Variants in EYS observed in about 807,000 individuals in gnomAD.
EYS encodes the protein EGF-like photoreceptor maintenance factor.
EYS carries 250 observed loss-of-function variants against 282.1 expected under a neutral mutation model. That is an observed-to-expected ratio of 0.89 (90% CI 0.80 to 0.98). The LOEUF (loss-of-function observed/expected upper bound fraction) is 0.98, where lower values mean the gene tolerates loss of function less well. Ranked by LOEUF, EYS falls within the 50% of genes least tolerant of loss-of-function variation. The probability of loss-of-function intolerance (pLI) is 0.00; values close to 1 mark genes in which losing one functional copy is unlikely to be tolerated. For missense variants in EYS, 4,016 were observed against 3,709.0 expected, an observed-to-expected ratio of 1.08 and a Z score of -2.15; for synonymous variants, 1,355 against 1,282.9, an observed-to-expected ratio of 1.06 and a Z score of -1.20.
At chr6:65,158,481 T>A (rs891209388) in intron 12 of EYS, among the ~76,000 whole-genome samples, 3 of 150,974 alleles carry the variant, frequency 2.0e-5, no homozygotes, top group Non-Finnish European at 1.5e-5. Context: ...CATAGTCATA[T>A]TCTTAGATGC....
At chr6:63,891,653 C>T (rs1292522602) in intron 35 of EYS, among the ~76,000 whole-genome samples, 1 of 152,180 alleles carries the variant, frequency 6.6e-6, no homozygotes, top group African/African-American at 2.4e-5. Flanking sequence ...AAGCTGGTAG[C>T]ATTCCCTTTG....
intron 36 of EYS, among the ~76,000 whole-genome samples, chr6:63,858,984 C>G (rs1253177098): frequency 5.3e-5 from 8 of 149,868 alleles, no homozygotes; most frequent in African/African-American, 1.7e-4. Flanking sequence ...TTTGTAATAC[C>G]TTGGCTTGTC....
intron 29 of EYS, among the ~76,000 whole-genome samples, chr6:64,328,819 G>A (rs192949965): frequency 3.9e-5 from 6 of 152,262 alleles, no homozygotes; most frequent in East Asian, 1.9e-4. Flanking sequence ...GGTCATGGTC[G>A]TGGTAGAGGA....
rs1000738809 is a variant in EYS at position 64,138,701 on chromosome 6, T to A, written c.6425-56699A>T. ...AGAAAATAAAAAGCATCCTCATAAT[T>A]GTGCTGTTTTTTCAACAGCACTGAG... On this transcript the variant is annotated intron_variant, in intron 31 of 42. Transcript: ENST00000503581. 2.0e-5 allele frequency among the ~76,000 whole-genome samples: 3 copies of A among 152,172 alleles called. No homozygotes were observed. The East Asian group carries it at 5.8e-4, about 29-fold the overall frequency.
chr6:64,681,046 G>T lies in EYS; in HGVS notation c.3444-54801C>A, dbSNP rs115633441. 3.9e-5 allele frequency among the ~76,000 whole-genome samples: 6 copies of T among 152,278 alleles called. No homozygotes were observed. In the South Asian group the frequency reaches 1.2e-3, roughly 32 times the overall value. On this transcript the variant is annotated intron_variant, in intron 22 of 42. Coordinates refer to ENST00000503581, the MANE Select transcript of EYS (RefSeq NM_001142800.2). The stretch of plus-strand genomic sequence containing the variant: ...TTACTGGAGAGAAATGGGGAAAAAA[G>T]CAGCTAAGAAGAGCCTGGGACAGGA...
chr6:64,918,103 A>T (rs572918014), intron 15 of EYS, among the ~76,000 whole-genome samples: 1 of 152,244 alleles, frequency 6.6e-6, no homozygotes, highest in South Asian at 2.1e-4. Flanking sequence ...TTCATACCGA[A>T]TTATAACATG....
At chr6:64,568,135 T>G (rs1303554308) in intron 26 of EYS, among the ~76,000 whole-genome samples, 4 of 152,186 alleles carry the variant, frequency 2.6e-5, no homozygotes, top group Admixed American at 6.5e-5. Flanking sequence ...GGATTAGCCT[T>G]AAGTCTTCAA....
chr6:64,299,980 CA>C (rs1769176890), intron 30 of EYS, among the ~76,000 whole-genome samples: 1 of 151,990 alleles, frequency 6.6e-6, no homozygotes, highest in Admixed American at 6.6e-5. Flanking sequence ...GCCAAAATAA[CA>C]AAGAGGAAAT....
At chr6:64,989,929 T>C (rs891411016) in intron 14 of EYS, among the ~76,000 whole-genome samples, 1 of 150,942 alleles carries the variant, frequency 6.6e-6, no homozygotes, top group African/African-American at 2.4e-5. Flanking sequence ...CTATTTATCG[T>C]AGGATGGTTG....
At chr6:65,432,262 A>G (rs991264655) in intron 5 of EYS, among the ~76,000 whole-genome samples, 3 of 152,246 alleles carry the variant, frequency 2.0e-5, no homozygotes, top group Admixed American at 6.5e-5. Flanking sequence ...ATTGTGTCAG[A>G]TGCTTTTCTA....
At chr6:65,218,950 T>A (rs1409783259) in intron 12 of EYS, among the ~76,000 whole-genome samples, 1 of 151,306 alleles carries the variant, frequency 6.6e-6, no homozygotes, top group Non-Finnish European at 1.5e-5. Flanking sequence ...TCAAGATAAC[T>A]TTTTTTTCCA....
intron 22 of EYS, among the ~76,000 whole-genome samples, chr6:64,737,232 C>A (rs1222490478): frequency 6.6e-6 from 1 of 152,174 alleles, no homozygotes; most frequent in African/African-American, 2.4e-5. Flanking sequence ...ATTTCTTTAG[C>A]AAAACAGCCT....
At chr6:65,698,820 C>T (rs1039430474) in intron 1 of EYS, among the ~76,000 whole-genome samples, 15 of 152,102 alleles carry the variant, frequency 9.9e-5, no homozygotes, top group Non-Finnish European at 1.9e-4. Flanking sequence ...GAAGTTTTTT[C>T]TAAAATTCCC....
intron 26 of EYS, among the ~76,000 whole-genome samples, chr6:64,482,674 T>C (rs962019399): frequency 1.3e-5 from 2 of 151,734 alleles, no homozygotes; most frequent in African/African-American, 2.4e-5. Context: ...ATTGTTATCA[T>C]TGTCTTATTA....
intron 12 of EYS, among the ~76,000 whole-genome samples, chr6:65,155,749 T>C (rs139035664): frequency 1.5e-3 from 225 of 151,630 alleles, no homozygotes; most frequent in Non-Finnish European, 2.3e-3. Context: ...CATTGCAGTG[T>C]AGATAAAAAT....
chr6:64,895,378 C>T (rs1194655522), intron 18 of EYS, among the ~76,000 whole-genome samples: 1 of 152,074 alleles, frequency 6.6e-6, no homozygotes, highest in African/African-American at 2.4e-5. Flanking sequence ...TTTTGAAAGA[C>T]CTAAATAAAT....
chr6:64,212,131 T>C (rs1473023154), intron 31 of EYS, among the ~76,000 whole-genome samples: 1 of 151,548 alleles, frequency 6.6e-6, no homozygotes, highest in African/African-American at 2.4e-5. Flanking sequence ...ATAATAATAA[T>C]TAATAATTTA....
chr6:65,633,687 ACC>A (rs1766995395), intron 2 of EYS, among the ~76,000 whole-genome samples: 1 of 152,232 alleles, frequency 6.6e-6, no homozygotes, highest in Admixed American at 6.5e-5. Flanking sequence ...ATTATGAAAT[ACC>A]TACCCTCAAA....
At chr6:64,371,998 T>C (rs537953475) in intron 29 of EYS, among the ~76,000 whole-genome samples, 9 of 152,252 alleles carry the variant, frequency 5.9e-5, no homozygotes, top group Admixed American at 4.6e-4. Context: ...AATTGAAGCA[T>C]TTAGACTGTT....
Sources: allele counts gnomAD v4.1 joint callset (sites outside exome capture counted in the v4.1 genomes callset), GRCh38; gene constraint gnomAD v4.1.1; transcripts MANE v1.5; gene names NCBI Gene and HGNC (gene_info 2026-07-23, HGNC 2026-07-21).